The following TMEM50B variants were observed in gnomAD, a reference collection of about 807,000 sequenced individuals.
The protein encoded by TMEM50B is HCV p7-trans-regulated protein 3.
In TMEM50B, 14 loss-of-function variants were observed where a neutral mutation model predicts 23.4. The ratio of observed to expected loss-of-function variants is 0.60; its 90% CI spans 0.39 to 0.93. The LOEUF is 0.93. Among genes scored for constraint, TMEM50B ranks in the 40% least tolerant of loss-of-function variants. The pLI, the probability that TMEM50B is intolerant of heterozygous loss-of-function variation, is 0.00. For synonymous variants in TMEM50B, 64 were observed against 62.3 expected, an observed-to-expected ratio of 1.03 and a Z score of -0.13; for missense variants, 159 against 193.0, an observed-to-expected ratio of 0.82 and a Z score of 1.04.
intron 8 of TMEM50B, among the ~76,000 whole-genome samples, chr21:33,436,613 T>C (rs976655760): frequency 5.3e-5 from 8 of 151,846 alleles, no homozygotes; most frequent in Non-Finnish European, 1.2e-4. Context: ...TCCCAGCTAC[T>C]TGGAGGATTG....
intron 5 of TMEM50B, among the ~76,000 whole-genome samples, chr21:33,456,912 G>A (rs932467672): frequency 6.6e-6 from 1 of 152,132 alleles, no homozygotes; most frequent in Non-Finnish European, 1.5e-5. Flanking sequence ...TTTGAAACAT[G>A]GCCTAGAAAT....
chr21:33,476,641 G>A (rs1339148661), intron 1 of TMEM50B, among the ~76,000 whole-genome samples: 5 of 150,288 alleles, frequency 3.3e-5, no homozygotes, highest in African/African-American at 7.3e-5. Context: ...GGTGCCTGTA[G>A]TCCCAGCTTC....
At chr21:33,467,217 G>T in intron 2 of TMEM50B, 95 bp from the exon 3 acceptor site, 2 of 1,158,202 alleles carry the variant, frequency 1.7e-6, no homozygotes, top group Admixed American at 4.1e-5. Flanking sequence ...TCATATAAAT[G>T]GGCTGGGTAC....
intron 8 of TMEM50B, chr21:33,437,103 G>C (rs1039416398): frequency 1.9e-5 from 14 of 737,506 alleles, no homozygotes; most frequent in Non-Finnish European, 3.2e-5. Context: ...ATGAGAGACA[G>C]CAGGTCTCAT....
chr21:33,462,382 T>A (rs192081913), intron 4 of TMEM50B, among the ~76,000 whole-genome samples: 113 of 152,228 alleles, frequency 7.4e-4, no homozygotes, highest in African/African-American at 2.7e-3. Context: ...GGGAATATCA[T>A]AGAATAAAAT....
chr21:33,461,525 G>A (rs192366178), intron 4 of TMEM50B, among the ~76,000 whole-genome samples: 69 of 152,156 alleles, frequency 4.5e-4, no homozygotes, highest in Admixed American at 2.5e-3. Flanking sequence ...CCTTAAAGGC[G>A]GGGCATGGTA....
chr21:33,452,608 G>C (rs922076334), intron 6 of TMEM50B, among the ~76,000 whole-genome samples: 4 of 152,160 alleles, frequency 2.6e-5, no homozygotes, highest in African/African-American at 9.7e-5. Flanking sequence ...AATCAGTCCT[G>C]GGCTACAGCT....
chr21:33,469,323 T>C (rs1006514136), intron 1 of TMEM50B, among the ~76,000 whole-genome samples: 13 of 152,102 alleles, frequency 8.5e-5, no homozygotes, highest in Admixed American at 7.2e-4. Flanking sequence ...TGGTGGCACA[T>C]GCCTGTAATC....
chr21:33,466,427 CTT>C (rs1287389821), intron 3 of TMEM50B, among the ~76,000 whole-genome samples: 2 of 152,188 alleles, frequency 1.3e-5, no homozygotes, highest in African/African-American at 4.8e-5. Flanking sequence ...AAACAAATCT[CTT>C]TTGAGGCCAA....
At chr21:33,473,625 A>G (rs573983590) in intron 1 of TMEM50B, among the ~76,000 whole-genome samples, 167 of 150,552 alleles carry the variant, frequency 1.1e-3, no homozygotes, top group Middle Eastern at 3.4e-3. Context: ...ACAGTGAGCT[A>G]TGACAGGTGA....
intron 4 of TMEM50B, chr21:33,464,947 A>G (rs2084252474): frequency 6.2e-6 from 1 of 161,616 alleles, no homozygotes; most frequent in Non-Finnish European, 1.3e-5. Context: ...GGTGATCAGA[A>G]GTGAATGTAA....
intron 5 of TMEM50B, among the ~76,000 whole-genome samples, chr21:33,459,545 G>GT: frequency 6.6e-6 from 1 of 151,942 alleles, no homozygotes; most frequent in East Asian, 1.9e-4. Context: ...GCGTGCACCT[G>GT]TAATCCCAGC....
downstream of TMEM50B, chr21:33,447,275 A>T (rs7282496): frequency 3.3e-5 from 5 of 151,976 alleles, no homozygotes; most frequent in African/African-American, 4.8e-5. Flanking sequence ...CAGTGTTCTA[A>T]AAGCAACTTG....
chr21:33,438,439 A>G lies in TMEM50B; in HGVS notation c.*2120+775T>C, dbSNP rs538240576. Among the ~76,000 whole-genome samples the G allele has an allele frequency of 7.2e-5, 11 of 152,334 alleles. No homozygotes were observed. The South Asian group carries it at 2.1e-3, about 29-fold the overall frequency. ...TAATCAATAGTAATGTTATCTACTG[A>G]GCACGCAAGTCATCTGATTGTGTCA... On this transcript the variant is annotated intron_variant and NMD_transcript_variant, in intron 8 of 8. Transcript: ENST00000420455.
At chr21:33,454,461 C>G (rs1338130372) in intron 6 of TMEM50B, among the ~76,000 whole-genome samples, 2 of 151,862 alleles carry the variant, frequency 1.3e-5, no homozygotes, top group African/African-American at 4.8e-5. Flanking sequence ...CCACCATGCC[C>G]GACTAATGTT....
chr21:33,476,636 C>T (rs1018181872), intron 1 of TMEM50B, among the ~76,000 whole-genome samples: 1 of 151,484 alleles, frequency 6.6e-6, no homozygotes, highest in East Asian at 1.9e-4. Flanking sequence ...TGGAGGGTGC[C>T]TGTAGTCCCA....
intron 1 of TMEM50B, among the ~76,000 whole-genome samples, chr21:33,476,795 A>G (rs1209173370): frequency 1.3e-5 from 2 of 151,970 alleles, no homozygotes; most frequent in African/African-American, 4.8e-5. Flanking sequence ...TTAAGTTTAA[A>G]AAGATTCCTT....
downstream of TMEM50B, among the ~76,000 whole-genome samples, chr21:33,447,681 TACACAC>T (rs764155101): frequency 1.2e-3 from 155 of 132,126 alleles, no homozygotes; most frequent in Non-Finnish European, 1.5e-3. Context: ...TGTATAGAAA[TACACAC>T]ACACACACAC....
chr21:33,475,572 T>G (rs2084362026), intron 1 of TMEM50B, among the ~76,000 whole-genome samples: 1 of 152,066 alleles, frequency 6.6e-6, no homozygotes, highest in Admixed American at 6.5e-5. Context: ...GGTCTTGAAC[T>G]CCTGACCTCG....
Sources: allele counts gnomAD v4.1 joint callset (sites outside exome capture counted in the v4.1 genomes callset), GRCh38; gene constraint gnomAD v4.1.1; transcripts MANE v1.5; gene names NCBI Gene and HGNC (gene_info 2026-07-23, HGNC 2026-07-21).